Variants in TENM3 observed in about 807,000 individuals in gnomAD.
TENM3 encodes teneurin transmembrane protein 3.
Under a neutral mutation model 255.1 loss-of-function variants are expected in TENM3, and 63 were observed. The observed-to-expected ratio is 0.25, with a 90% CI of 0.20 to 0.30. TENM3 has a LOEUF of 0.30. Ranked by LOEUF, TENM3 falls within the 10% of genes least tolerant of loss-of-function variation. TENM3 has a pLI of 1.00. For missense variants in TENM3, 2,929 were observed against 3,461.1 expected, an observed-to-expected ratio of 0.85 and a Z score of 3.86; for synonymous variants, 1,306 against 1,322.3, an observed-to-expected ratio of 0.99 and a Z score of 0.27.
intron 22 of TENM3, among the ~76,000 whole-genome samples, chr4:182,766,397 C>G (rs1763723280): frequency 6.6e-6 from 1 of 152,138 alleles, no homozygotes; most frequent in African/African-American, 2.4e-5. Context: ...AAAAGACAGA[C>G]TGTCTTAAAC....
the TENM3 span, among the ~76,000 whole-genome samples, chr4:181,615,234 A>T: frequency 6.6e-6 from 1 of 152,152 alleles, no homozygotes; most frequent in Non-Finnish European, 1.5e-5. Flanking sequence ...AATTTTCTAA[A>T]TAGCAGCTCT....
At chr4:181,794,187 A>G in the TENM3 span, among the ~76,000 whole-genome samples, 43 of 151,312 alleles carry the variant, frequency 2.8e-4, no homozygotes, top group Non-Finnish European at 5.3e-4. Flanking sequence ...TATGGTGTAC[A>G]ATATATATAT....
intron 12 of TENM3, among the ~76,000 whole-genome samples, chr4:182,705,571 C>T (rs961832431): frequency 6.6e-6 from 1 of 152,192 alleles, no homozygotes; most frequent in Non-Finnish European, 1.5e-5. Context: ...TTGACCTTCC[C>T]TTGTGAGCTA....
the TENM3 span, among the ~76,000 whole-genome samples, chr4:181,723,605 T>G: frequency 2.6e-5 from 4 of 152,162 alleles, no homozygotes; most frequent in Admixed American, 1.3e-4. Context: ...TTTTCTGTGT[T>G]GTAGTTCAAA....
At chr4:181,527,057 C>T in the TENM3 span, among the ~76,000 whole-genome samples, 1 of 150,438 alleles carries the variant, frequency 6.6e-6, no homozygotes, top group Non-Finnish European at 1.5e-5. Flanking sequence ...GAAGCTCACT[C>T]CTCTGGCCCC....
chr4:181,558,722 A>G, the TENM3 span, among the ~76,000 whole-genome samples: 8 of 152,232 alleles, frequency 5.3e-5, no homozygotes, highest in Non-Finnish European at 5.9e-5. Context: ...CTCCAAATGC[A>G]TAGAAGAGCA....
chr4:181,656,377 A>G, the TENM3 span, among the ~76,000 whole-genome samples: 3 of 152,332 alleles, frequency 2.0e-5, no homozygotes, highest in African/African-American at 7.2e-5. Context: ...AGTAACATGA[A>G]GATATTTGTA....
chr4:181,986,867 T>C, the TENM3 span, among the ~76,000 whole-genome samples: 1 of 152,108 alleles, frequency 6.6e-6, no homozygotes, highest in East Asian at 1.9e-4. Flanking sequence ...ATTTGCATAA[T>C]ATTTAGTGGG....
intron 4 of TENM3, among the ~76,000 whole-genome samples, chr4:182,602,591 G>T (rs1001959966): frequency 2.0e-5 from 3 of 152,148 alleles, no homozygotes; most frequent in Non-Finnish European, 4.4e-5. Flanking sequence ...TATCAGCCAC[G>T]AGTAGTTGAG....
At chr4:181,791,009 C>A in the TENM3 span, among the ~76,000 whole-genome samples, 2 of 152,140 alleles carry the variant, frequency 1.3e-5, no homozygotes, top group South Asian at 2.1e-4. Flanking sequence ...TGATTACGGG[C>A]CATATGATGA....
At chr4:181,901,493 C>G in the TENM3 span, among the ~76,000 whole-genome samples, 1 of 152,182 alleles carries the variant, frequency 6.6e-6, no homozygotes, top group African/African-American at 2.4e-5. Flanking sequence ...TTAGATGAGC[C>G]TCTGATCCTG....
At chr4:182,757,748 T>C (rs1762843401) in intron 22 of TENM3, among the ~76,000 whole-genome samples, 1 of 152,212 alleles carries the variant, frequency 6.6e-6, no homozygotes, top group African/African-American at 2.4e-5. Context: ...AAGTAGAGGT[T>C]GGGTTGGCAA....
chr4:182,243,690 T>C (rs558612772), intron 1 of TENM3, among the ~76,000 whole-genome samples: 6 of 152,270 alleles, frequency 3.9e-5, no homozygotes, highest in African/African-American at 1.4e-4. Flanking sequence ...AAAGAGCAGT[T>C]CAAGATGCTT....
chr4:181,753,430 G>A, the TENM3 span, among the ~76,000 whole-genome samples: 2 of 152,014 alleles, frequency 1.3e-5, no homozygotes, highest in South Asian at 2.1e-4. Context: ...AGATGGAGAC[G>A]CAACAGCCAG....
chr4:182,063,904 AGAAAG>A, the TENM3 span, among the ~76,000 whole-genome samples: 2 of 152,346 alleles, frequency 1.3e-5, no homozygotes, highest in South Asian at 4.1e-4. Flanking sequence ...AAGCAGGAGA[AGAAAG>A]TGAAGGAAGG....
chr4:182,401,058 T>C (rs1249184043), intron 3 of TENM3, among the ~76,000 whole-genome samples: 1 of 152,188 alleles, frequency 6.6e-6, no homozygotes, highest in Non-Finnish European at 1.5e-5. Context: ...GCCAGAACAT[T>C]CCTGCTTCTG....
the TENM3 span, among the ~76,000 whole-genome samples, chr4:181,810,982 G>C: frequency 1.1e-3 from 160 of 152,124 alleles, 1 homozygote; most frequent in South Asian, 3.5e-3. Flanking sequence ...GGAAAGAGGG[G>C]ATAGAAGAAA....
the TENM3 span, among the ~76,000 whole-genome samples, chr4:181,807,842 G>A: frequency 6.6e-6 from 1 of 152,222 alleles, no homozygotes; most frequent in Non-Finnish European, 1.5e-5. Context: ...GTGAGTCCCT[G>A]TGGCTTCAGC....
At chr4:182,101,032 G>A in the TENM3 span, among the ~76,000 whole-genome samples, 2 of 63,966 alleles carry the variant, frequency 3.1e-5, no homozygotes, top group South Asian at 5.9e-4. Context: ...GTGATAGAGC[G>A]AGACCCTGTC....
Sources: allele counts gnomAD v4.1 joint callset (sites outside exome capture counted in the v4.1 genomes callset), GRCh38; gene constraint gnomAD v4.1.1; transcripts MANE v1.5; gene names NCBI Gene and HGNC (gene_info 2026-07-23, HGNC 2026-07-21).